The following NDUFAF2 variants were observed in gnomAD, a reference collection of about 807,000 sequenced individuals.
NDUFAF2 encodes the protein NADH:ubiquinone oxidoreductase complex assembly factor 2.
Under a neutral mutation model 22.8 loss-of-function variants are expected in NDUFAF2, and 13 were observed. That is an observed-to-expected ratio of 0.57 (90% CI 0.37 to 0.91). The LOEUF (loss-of-function observed/expected upper bound fraction) is 0.91. Among genes scored for constraint, NDUFAF2 ranks in the 40% least tolerant of loss-of-function variants. The probability of loss-of-function intolerance (pLI) is 0.01; values close to 1 mark genes in which losing one functional copy is unlikely to be tolerated. For synonymous variants in NDUFAF2, 53 were observed against 64.2 expected (o/e 0.83, Z 0.84); for missense variants, 162 against 195.2 (o/e 0.83, Z 1.01).
intron 1 of NDUFAF2, among the ~76,000 whole-genome samples, chr5:61,004,171 T>C (rs1409930696): frequency 6.6e-6 from 1 of 152,126 alleles, no homozygotes; most frequent in Non-Finnish European, 1.5e-5. Context: ...CTGTGTTCAC[T>C]AAGTTTTCTG....
In NDUFAF2 at chr5:61,052,236, C is replaced by T. The variant is rs191764441; in HGVS notation, c.128-20889C>T. 3.4e-3 allele frequency among the ~76,000 whole-genome samples: 518 copies of T among 152,240 alleles called. 2 individuals carry two copies. The highest frequency in any genetic ancestry group is 5.2e-3 in the Non-Finnish European group (354 of 68,008). On this transcript the variant is annotated intron_variant, in intron 1 of 3. Coordinates refer to ENST00000296597, the MANE Select transcript of NDUFAF2 (RefSeq NM_174889.5). The stretch of plus-strand genomic sequence containing the variant: ...AACAGTATGAGAGCTTGTTAATTTT[C>T]CTACACTCTTAATAACACTGGGTCT...
chr5:61,009,397 A>G (rs560972294), intron 1 of NDUFAF2, among the ~76,000 whole-genome samples: 1 of 152,060 alleles, frequency 6.6e-6, no homozygotes, highest in Non-Finnish European at 1.5e-5. Context: ...TCCTAATCTC[A>G]CCAAGGAATC....
At position 61,098,198 on chromosome 5, in the gene NDUFAF2, T is replaced by C. The variant is rs533262283; in HGVS notation, c.218-794T>C. 2.8e-4 allele frequency among the ~76,000 whole-genome samples: 42 copies of C among 152,240 alleles called. No individual in the cohort carries two copies. The South Asian group carries it at 4.1e-3, about 15-fold the overall frequency. ...CAACAACCCTGAAGTGTAGATACTTTTATAATTTCCATTTTATAGATGGGA... is the reference window on the plus strand; with the variant it reads ...CAACAACCCTGAAGTGTAGATACTTCTATAATTTCCATTTTATAGATGGGA... On this transcript the variant is annotated intron_variant, in intron 2 of 3. Transcript: ENST00000296597.
At chr5:61,122,090 C>G (rs1752983109) in intron 3 of NDUFAF2, among the ~76,000 whole-genome samples, 1 of 152,082 alleles carries the variant, frequency 6.6e-6, no homozygotes, top group Non-Finnish European at 1.5e-5. Flanking sequence ...TTGGCCTCAC[C>G]AAAGTGTTGG....
chr5:61,103,214 C>G, intron 3 of NDUFAF2, among the ~76,000 whole-genome samples: 1 of 152,096 alleles, frequency 6.6e-6, no homozygotes, highest in East Asian at 1.9e-4. Flanking sequence ...GCCCGACTTT[C>G]TAGCTTTGTC....
intron 1 of NDUFAF2, among the ~76,000 whole-genome samples, chr5:61,058,999 T>G (rs1232555267): frequency 6.6e-6 from 1 of 152,068 alleles, no homozygotes; most frequent in African/African-American, 2.4e-5. Context: ...TTCCTTTCAG[T>G]TTGGAAAATA....
chr5:61,029,303 A>G (rs557416224), intron 1 of NDUFAF2, among the ~76,000 whole-genome samples: 1 of 152,278 alleles, frequency 6.6e-6, no homozygotes, highest in East Asian at 1.9e-4. Flanking sequence ...TAAAAATAAA[A>G]ATAAAAGGTA....
intron 3 of NDUFAF2, among the ~76,000 whole-genome samples, chr5:61,136,484 T>C (rs1286364914): frequency 6.6e-6 from 1 of 152,182 alleles, no homozygotes; most frequent in Non-Finnish European, 1.5e-5. Context: ...TCTTTAATGC[T>C]AAGTCCGTTG....
chr5:61,041,594 A>C (rs1220479555), intron 1 of NDUFAF2, among the ~76,000 whole-genome samples: 1 of 152,204 alleles, frequency 6.6e-6, no homozygotes, highest in Non-Finnish European at 1.5e-5. Flanking sequence ...AGACTTAACT[A>C]TGTGACTCTT....
intron 2 of NDUFAF2, among the ~76,000 whole-genome samples, chr5:61,084,994 C>G (rs923601943): frequency 6.6e-6 from 1 of 152,064 alleles, no homozygotes; most frequent in African/African-American, 2.4e-5. Context: ...GAACATTCAC[C>G]AGGATGGGCC....
chr5:61,090,339 T>C (rs1486526125), intron 2 of NDUFAF2, among the ~76,000 whole-genome samples: 1 of 152,034 alleles, frequency 6.6e-6, no homozygotes, highest in Non-Finnish European at 1.5e-5. Context: ...ACAAATAATA[T>C]GTAAACAAAT....
intron 1 of NDUFAF2, among the ~76,000 whole-genome samples, chr5:61,055,812 A>C (rs1057439945): frequency 6.6e-6 from 1 of 152,254 alleles, no homozygotes; most frequent in Non-Finnish European, 1.5e-5. Flanking sequence ...TTAAATTTCC[A>C]TGTAAAAATT....
At chr5:61,032,724 A>T (rs1264918606) in intron 1 of NDUFAF2, among the ~76,000 whole-genome samples, 3 of 152,128 alleles carry the variant, frequency 2.0e-5, no homozygotes, top group Non-Finnish European at 4.4e-5. Context: ...TTTTGGTTCC[A>T]TGTGAACTTT....
At chr5:61,086,845 C>T (rs1214155942) in intron 2 of NDUFAF2, among the ~76,000 whole-genome samples, 2 of 152,034 alleles carry the variant, frequency 1.3e-5, no homozygotes, top group African/African-American at 4.8e-5. Flanking sequence ...AAGCCATAGA[C>T]AGGGAGAAAA....
intron 1 of NDUFAF2, among the ~76,000 whole-genome samples, chr5:60,972,519 A>G (rs892857723): frequency 1.3e-5 from 2 of 152,096 alleles, no homozygotes; most frequent in African/African-American, 2.4e-5. Flanking sequence ...CCATGATTAT[A>G]TCTTTTCTGA....
At chr5:60,997,894 C>T (rs1751248048) in intron 1 of NDUFAF2, among the ~76,000 whole-genome samples, 1 of 152,152 alleles carries the variant, frequency 6.6e-6, no homozygotes, top group African/African-American at 2.4e-5. Flanking sequence ...GGCTTATCAT[C>T]CTAGATTTTG....
At chr5:61,137,918 G>A (rs1395208726) in intron 3 of NDUFAF2, among the ~76,000 whole-genome samples, 1 of 152,248 alleles carries the variant, frequency 6.6e-6, no homozygotes, top group Non-Finnish European at 1.5e-5. Flanking sequence ...GCCCATCAGA[G>A]TCTTTGTACA....
intron 1 of NDUFAF2, among the ~76,000 whole-genome samples, chr5:60,985,830 G>A (rs2112582054): frequency 6.6e-6 from 1 of 152,154 alleles, no homozygotes; most frequent in South Asian, 2.1e-4. Flanking sequence ...CTCCCCACTG[G>A]GTTCCTCCCA....
In NDUFAF2 at chr5:61,005,742, T is replaced by C. The variant is rs534381925; in HGVS notation, c.127+60360T>C. 6.0e-4 allele frequency among the ~76,000 whole-genome samples: 91 copies of C among 152,342 alleles called. 1 individual carries two copies. The highest frequency in any genetic ancestry group is 2.1e-3 in the African/African-American group (89 of 41,570). ...CTGTTGGCTGCATAAATGTCTTCTT[T>C]TGAGAAGTGTCTGTTCATATCGTTT... On this transcript the variant is annotated intron_variant, in intron 1 of 3. Coordinates refer to ENST00000296597, the MANE Select transcript of NDUFAF2 (RefSeq NM_174889.5).
Sources: allele counts gnomAD v4.1 joint callset (sites outside exome capture counted in the v4.1 genomes callset), GRCh38; gene constraint gnomAD v4.1.1; transcripts MANE v1.5; gene names NCBI Gene and HGNC (gene_info 2026-07-23, HGNC 2026-07-21).